The following DYNC2H1 variants were observed in gnomAD, a reference collection of about 807,000 sequenced individuals.
The protein encoded by DYNC2H1 is cytoplasmic dynein 2 heavy chain 1.
DYNC2H1 carries 410 observed loss-of-function variants against 570.0 expected under a neutral mutation model. The ratio of observed to expected loss-of-function variants is 0.72; its 90% confidence interval spans 0.66 to 0.78. The LOEUF (loss-of-function observed/expected upper bound fraction) is 0.78. Ranked by LOEUF, DYNC2H1 falls within the 30% of genes least tolerant of loss-of-function variation. DYNC2H1 has a pLI of 0.00. For synonymous variants in DYNC2H1, 1,688 were observed against 1,677.6 expected, an observed-to-expected ratio of 1.01 and a Z score of -0.15; for missense variants, 4,865 against 5,046.4, an observed-to-expected ratio of 0.96 and a Z score of 1.09.
At chr11:103,470,420 CTTTTTCTTT>C (rs941051483) in intron 88 of DYNC2H1, among the ~76,000 whole-genome samples, 1 of 111,000 alleles carries the variant, frequency 9.0e-6, no homozygotes, top group Non-Finnish European at 2.0e-5. Flanking sequence ...ACTTTTTACT[CTTTTTCTTT>C]TTATTATTAT....
In DYNC2H1 at chr11:103,163,151, A is replaced by C; in HGVS notation, c.4611+4A>C. On this transcript the variant is annotated splice_donor_region_variant and intron_variant, in intron 30 of 88. Coordinates refer to ENST00000375735, the MANE Select transcript of DYNC2H1 (RefSeq NM_001377.3). The surrounding 1 kb of genome is among the most constrained non-coding windows in gnomAD (Gnocchi z 4.6). ...CCCATCTCTGTTCCCTTCACAGGTA[A>C]GGGGGCTTACGTGTAGAAGCTACAT... 1.2e-6 allele frequency: 2 copies of C among 1,608,018 alleles called. No homozygotes were observed. Among genetic ancestry groups the C allele is most frequent in the South Asian group, 2.2e-5 (2 of 89,860 alleles).
intron 70 of DYNC2H1, among the ~76,000 whole-genome samples, chr11:103,274,392 T>C (rs991808639): frequency 1.3e-5 from 2 of 152,018 alleles, no homozygotes; most frequent in Non-Finnish European, 2.9e-5. Context: ...TGAAAAGAAT[T>C]TGCTATATCA....
chr11:103,110,545 T>C (rs1402824367), intron 1 of DYNC2H1, among the ~76,000 whole-genome samples: 2 of 152,046 alleles, frequency 1.3e-5, no homozygotes, highest in Non-Finnish European at 2.9e-5. Context: ...TTTGAATTCT[T>C]TTTTGGTGTA....
chr11:103,182,521 T>A (rs187733057), intron 40 of DYNC2H1, among the ~76,000 whole-genome samples: 1 of 151,768 alleles, frequency 6.6e-6, no homozygotes, highest in African/African-American at 2.4e-5. Context: ...TTGAGAAGGG[T>A]TTATCTAATG....
At chr11:103,120,879 A>T in intron 8 of DYNC2H1, 46 bp from the exon 9 acceptor site, 2 of 1,206,094 alleles carry the variant, frequency 1.7e-6, no homozygotes, top group Non-Finnish European at 2.2e-6. Context: ...ATATTTACTG[A>T]GTTGATCCGT....
chr11:103,239,655 G>C lies in DYNC2H1; in HGVS notation c.9819+3116G>C. 6.6e-6 allele frequency among the ~76,000 whole-genome samples: 1 copy of C among 151,778 alleles called. No homozygotes were observed. Among genetic ancestry groups the C allele is most frequent in the East Asian group, 1.9e-4 (1 of 5,166 alleles). On this transcript the variant is annotated intron_variant, in intron 63 of 88. Coordinates refer to ENST00000375735, the MANE Select transcript of DYNC2H1 (RefSeq NM_001377.3). The surrounding 1 kb of genome is among the most constrained non-coding windows in gnomAD (Gnocchi z 4.3). ...ACTTCTCATAGGAGTGTGTGTGTGT[G>C]TGTGTGTGTGTGTGTGTGTGTGTAA...
In DYNC2H1 at chr11:103,455,625, A is replaced by T. The variant is rs540941101; in HGVS notation, c.12566+330A>T. On this transcript the variant is annotated intron_variant, in intron 86 of 88. Transcript: ENST00000375735. ...GAATTAAAGTAAAAATCAGATTTGAAATTCAGTTTTTCAGTAACTCTAACC... is the reference window on the plus strand; with the variant it reads ...GAATTAAAGTAAAAATCAGATTTGATATTCAGTTTTTCAGTAACTCTAACC... 4.6e-5 allele frequency among the ~76,000 whole-genome samples: 7 copies of T among 152,276 alleles called. No individual in the cohort carries two copies. The South Asian group carries it at 1.4e-3, about 32-fold the overall frequency.
rs143209041 is a variant in DYNC2H1 at position 103,118,821 on chromosome 11, C to T, written c.999+958C>T. Among the ~76,000 whole-genome samples, 72 of 152,154 alleles carry T rather than the reference C, an allele frequency of 4.7e-4. 1 individual carries two copies. Among genetic ancestry groups the T allele is most frequent in the Non-Finnish European group, 8.8e-4 (60 of 67,982 alleles). ...CATTTCTCACCTTGCTATATCAGGA[C>T]GTATGTGGTATTAGGTTTTCCCATT... is the stretch of plus-strand genomic sequence containing the variant. On this transcript the variant is annotated intron_variant, in intron 6 of 88. Coordinates refer to ENST00000375735, the MANE Select transcript of DYNC2H1 (RefSeq NM_001377.3).
intron 83 of DYNC2H1, among the ~76,000 whole-genome samples, chr11:103,385,649 C>T (rs527604436): frequency 1.4e-4 from 21 of 152,280 alleles, no homozygotes; most frequent in East Asian, 1.9e-4. Context: ...AGCATTATCT[C>T]CTTAAATATT....
intron 82 of DYNC2H1, among the ~76,000 whole-genome samples, chr11:103,339,420 G>A (rs1939325720): frequency 1.3e-5 from 2 of 152,170 alleles, no homozygotes; most frequent in Non-Finnish European, 2.9e-5. Context: ...TATCCCACCA[G>A]GGTTGTAGAT....
At position 103,252,114 on chromosome 11, in the gene DYNC2H1, T is replaced by G. The variant is rs72971582; in HGVS notation, c.10043-1171T>G. ...TAATTAAAAACATTTTTTTTTTTTT[T>G]TGCAAAGACGAGGTCTCAGTATGTT... On this transcript the variant is annotated intron_variant, in intron 65 of 88. Coordinates refer to ENST00000375735, the MANE Select transcript of DYNC2H1 (RefSeq NM_001377.3). This position sits in a 1 kb window ranked among gnomAD's most constrained non-coding sequence, Gnocchi z 4.6. Among the ~76,000 whole-genome samples the G allele has an allele frequency of 0.051, 7,511 of 147,744 alleles. 249 individuals carry two copies. Among genetic ancestry groups the G allele is most frequent in the Non-Finnish European group, 0.072 (4,840 of 66,920 alleles).
intron 84 of DYNC2H1, among the ~76,000 whole-genome samples, chr11:103,428,931 T>C (rs969359825): frequency 1.3e-5 from 2 of 152,158 alleles, no homozygotes; most frequent in African/African-American, 4.8e-5. Flanking sequence ...TATAACAGTG[T>C]AATCTCTTAA....
intron 60 of DYNC2H1, 131 bp from the exon 61 acceptor site, chr11:103,233,903 C>T: frequency 1.9e-6 from 1 of 526,156 alleles, no homozygotes. Context: ...ATTAATGATA[C>T]TTTGTATGCA....
intron 84 of DYNC2H1, chr11:103,402,243 A>G (rs1037656402): frequency 3.9e-5 from 6 of 152,202 alleles, no homozygotes; most frequent in African/African-American, 1.4e-4. Flanking sequence ...TTGAGGGTCA[A>G]CGTCCCCCTA....
chr11:103,359,668 C>CTT (rs202022243), intron 83 of DYNC2H1, among the ~76,000 whole-genome samples: 60,776 of 129,670 alleles, frequency 0.47, 16,181 homozygotes, highest in Non-Finnish European at 0.58. Context: ...TTTTTTTTTA[C>CTT]TTTTTTTTTT....
intron 20 of DYNC2H1, 98 bp from the exon 21 acceptor site, chr11:103,152,038 A>T: frequency 7.9e-7 from 1 of 1,273,174 alleles, no homozygotes; most frequent in Non-Finnish European, 1.1e-6. Context: ...TTAATTTAAA[A>T]AATAAAGTTA....
rs1334003218 is a variant in DYNC2H1, at chr11:103,334,792, C to T, written c.12039+10802C>T. On this transcript the variant is annotated intron_variant, in intron 82 of 88. Coordinates refer to ENST00000375735, the MANE Select transcript of DYNC2H1 (RefSeq NM_001377.3). The surrounding 1 kb of genome is among the most constrained non-coding windows in gnomAD (Gnocchi z 4.3). ...AATTGACTGCTTGTAGAACAAAGAC[C>T]ACAGTAGACTACTACAGTATGATAG... is the stretch of plus-strand genomic sequence containing the variant. Among the ~76,000 whole-genome samples the T allele has an allele frequency of 1.3e-5, 2 of 151,800 alleles. No individual in the cohort carries two copies. Among genetic ancestry groups the T allele is most frequent in the Admixed American group, 1.3e-4 (2 of 15,246 alleles).
chr11:103,169,883 A>G (rs1208923251), intron 32 of DYNC2H1, among the ~76,000 whole-genome samples: 1 of 152,190 alleles, frequency 6.6e-6, no homozygotes, highest in African/African-American at 2.4e-5. Context: ...AAACCTAACA[A>G]TGTATTGAGT....
intron 70 of DYNC2H1, among the ~76,000 whole-genome samples, chr11:103,271,839 C>G (rs1234513542): frequency 6.6e-6 from 1 of 152,082 alleles, no homozygotes; most frequent in Non-Finnish European, 1.5e-5. Flanking sequence ...TCATCACTGG[C>G]CATGAGAGAA....
Sources: allele counts gnomAD v4.1 joint callset (sites outside exome capture counted in the v4.1 genomes callset), GRCh38; gene constraint gnomAD v4.1.1; non-coding constraint Gnocchi (gnomAD v3.1); transcripts MANE v1.5; gene names NCBI Gene and HGNC (gene_info 2026-07-23, HGNC 2026-07-21).